Variants in GALNT13 observed in about 807,000 individuals in gnomAD.
GALNT13 encodes polypeptide N-acetylgalactosaminyltransferase 13.
In GALNT13, 28 loss-of-function variants were observed where a neutral mutation model predicts 64.2. The observed-to-expected ratio is 0.44, with a 90% CI of 0.32 to 0.60. The LOEUF (loss-of-function observed/expected upper bound fraction) is 0.60. Ranked by LOEUF, GALNT13 falls within the 20% of genes least tolerant of loss-of-function variation. GALNT13 has a pLI of 0.05. For missense variants in GALNT13, 577 were observed against 669.8 expected, an observed-to-expected ratio of 0.86 and a Z score of 1.53; for synonymous variants, 214 against 224.6, an observed-to-expected ratio of 0.95 and a Z score of 0.42.
chr2:153,781,944 C>T, the GALNT13 span, among the ~76,000 whole-genome samples: 3 of 152,124 alleles, frequency 2.0e-5, no homozygotes, highest in Non-Finnish European at 4.4e-5. Context: ...TTACCTTAAG[C>T]GAAACCAGCT....
chr2:154,213,476 A>G lies in GALNT13; in HGVS notation c.312-28554A>G, dbSNP rs369736376. ...AATGGAAAGCAGATTGTACATATGA[A>G]TTTATAAACCATATTTATGAAGTCA... On this transcript the variant is annotated intron_variant, in intron 4 of 12. Coordinates refer to ENST00000392825, the MANE Select transcript of GALNT13 (RefSeq NM_052917.4). Among the ~76,000 whole-genome samples the G allele has an allele frequency of 1.2e-4, 18 of 152,314 alleles. No individual in the cohort carries two copies. In the South Asian group the frequency reaches 3.7e-3, roughly 32 times the overall value.
chr2:153,232,758 C>T, the GALNT13 span, among the ~76,000 whole-genome samples: 6 of 152,188 alleles, frequency 3.9e-5, no homozygotes, highest in East Asian at 1.2e-3. Flanking sequence ...AGTACATTGT[C>T]TTTCTTGGCA....
the GALNT13 span, among the ~76,000 whole-genome samples, chr2:153,641,873 A>T: frequency 1.3e-5 from 2 of 152,110 alleles, no homozygotes; most frequent in African/African-American, 4.8e-5. Flanking sequence ...TTATTAACCA[A>T]TTATTCCTGT....
At chr2:153,996,669 A>T (rs914011275) in intron 3 of GALNT13, among the ~76,000 whole-genome samples, 2 of 152,022 alleles carry the variant, frequency 1.3e-5, no homozygotes, top group African/African-American at 4.8e-5. Context: ...GAAGTTTCTT[A>T]GTTTTACATA....
chr2:153,217,369 G>A, the GALNT13 span, among the ~76,000 whole-genome samples: 1 of 152,004 alleles, frequency 6.6e-6, no homozygotes, highest in Non-Finnish European at 1.5e-5. Context: ...TTTGTTGTGT[G>A]TCATTAATTT....
At chr2:153,747,422 G>GTTTTT in the GALNT13 span, among the ~76,000 whole-genome samples, 151 of 93,746 alleles carry the variant, frequency 1.6e-3, 20 homozygotes, top group African/African-American at 7.3e-3. Context: ...AGTGCCTTTG[G>GTTTTT]TTTTTTTTTT....
chr2:153,826,372 C>G, the GALNT13 span, among the ~76,000 whole-genome samples: 2 of 152,172 alleles, frequency 1.3e-5, no homozygotes, highest in African/African-American at 4.8e-5. Flanking sequence ...TCTCATGACC[C>G]AGTTATTAAC....
At chr2:153,239,463 T>G in the GALNT13 span, among the ~76,000 whole-genome samples, 126,839 of 152,014 alleles carry the variant, frequency 0.83, 54,138 homozygotes, top group African/African-American at 0.93. Context: ...TGATACTATG[T>G]GTCTGTTTCA....
At chr2:153,189,495 A>G in the GALNT13 span, among the ~76,000 whole-genome samples, 2 of 152,110 alleles carry the variant, frequency 1.3e-5, no homozygotes, top group African/African-American at 4.8e-5. Context: ...TTCTCCATTC[A>G]TCAACTGATG....
the GALNT13 span, among the ~76,000 whole-genome samples, chr2:153,611,869 C>G: frequency 2.0e-5 from 3 of 151,444 alleles, no homozygotes; most frequent in Non-Finnish European, 2.9e-5. Flanking sequence ...CCCCCACCCC[C>G]CAACAGTCCC....
the GALNT13 span, among the ~76,000 whole-genome samples, chr2:153,781,168 G>A: frequency 6.6e-6 from 1 of 152,314 alleles, no homozygotes; most frequent in South Asian, 2.1e-4. Flanking sequence ...CCATTGAATT[G>A]AAGTTTTGTT....
chr2:153,083,289 A>G, the GALNT13 span, among the ~76,000 whole-genome samples: 29 of 152,220 alleles, frequency 1.9e-4, no homozygotes, highest in African/African-American at 6.5e-4. Context: ...TCTTTAAGGA[A>G]TCTCTTAAGT....
chr2:153,132,622 A>G, the GALNT13 span, among the ~76,000 whole-genome samples: 1 of 152,174 alleles, frequency 6.6e-6, no homozygotes, highest in Admixed American at 6.6e-5. Flanking sequence ...ATCGATTCTC[A>G]TGTCAGCCTG....
At chr2:154,018,230 A>G (rs188606302) in intron 3 of GALNT13, among the ~76,000 whole-genome samples, 2 of 152,356 alleles carry the variant, frequency 1.3e-5, no homozygotes, top group East Asian at 3.9e-4. Context: ...TTGTTTTGTT[A>G]CTATTCCAAT....
At chr2:153,437,146 T>A in the GALNT13 span, among the ~76,000 whole-genome samples, 4 of 152,190 alleles carry the variant, frequency 2.6e-5, no homozygotes, top group South Asian at 8.3e-4. Flanking sequence ...TTGAGTGAGT[T>A]TCTTAATCCT....
At chr2:153,841,165 C>T in the GALNT13 span, among the ~76,000 whole-genome samples, 2 of 151,942 alleles carry the variant, frequency 1.3e-5, no homozygotes, top group African/African-American at 2.4e-5. Context: ...AGATGCTCTT[C>T]AAAAAGAACT....
chr2:153,720,334 A>C, the GALNT13 span, among the ~76,000 whole-genome samples: 2 of 148,512 alleles, frequency 1.3e-5, no homozygotes, highest in African/African-American at 5.0e-5. Context: ...CAAAGACCAA[A>C]AGTAGATAAA....
chr2:154,106,126 C>A (rs1702602312), intron 3 of GALNT13, among the ~76,000 whole-genome samples: 1 of 152,116 alleles, frequency 6.6e-6, no homozygotes, highest in Non-Finnish European at 1.5e-5. Context: ...TCCTCACTGT[C>A]AGTGGCTTGT....
the GALNT13 span, among the ~76,000 whole-genome samples, chr2:153,556,500 A>T: frequency 6.6e-6 from 1 of 152,202 alleles, no homozygotes; most frequent in African/African-American, 2.4e-5. Context: ...TTCCTTACTA[A>T]TTCTTAGCAC....
Sources: gnomAD v4.1 joint callset for allele counts (sites outside exome capture counted in the v4.1 genomes callset) on GRCh38, gnomAD v4.1.1 for gene constraint, MANE v1.5 for transcripts, NCBI Gene and HGNC (gene_info 2026-07-23, HGNC 2026-07-21) for gene names.